ENTPD3: variants seen among roughly 807,000 people sequenced by gnomAD.
ENTPD3 encodes the protein ectonucleoside triphosphate diphosphohydrolase 3, also known as CD39 antigen-like 3.
A neutral mutation model predicts 51.2 loss-of-function variants in ENTPD3; 60 were observed. That is an observed-to-expected ratio of 1.17 (90% CI 0.95 to 1.45). The LOEUF (loss-of-function observed/expected upper bound fraction) is 1.45, where lower values mean the gene tolerates loss of function less well. Ranked by LOEUF, ENTPD3 falls within the 40% of genes most tolerant of loss-of-function variation. The pLI, the probability that ENTPD3 is intolerant of heterozygous loss-of-function variation, is 0.00. For missense variants in ENTPD3, 593 were observed against 641.1 expected, an observed-to-expected ratio of 0.93 and a Z score of 0.81; for synonymous variants, 221 against 238.4, an observed-to-expected ratio of 0.93 and a Z score of 0.67.
intron 3 of ENTPD3, among the ~76,000 whole-genome samples, chr3:40,393,770 T>G (rs1955121175): frequency 6.6e-6 from 1 of 152,146 alleles, no homozygotes; most frequent in Non-Finnish European, 1.5e-5. Flanking sequence ...GGCACTGCCT[T>G]CTACAAACTA....
chr3:40,412,330 T>C (rs1003360629), intron 5 of ENTPD3, among the ~76,000 whole-genome samples: 5 of 152,176 alleles, frequency 3.3e-5, no homozygotes, highest in Non-Finnish European at 7.3e-5. Flanking sequence ...GTACAACCCA[T>C]AGCTATGTAG....
intron 3 of ENTPD3, among the ~76,000 whole-genome samples, chr3:40,395,855 G>A (rs1161011869): frequency 6.6e-6 from 1 of 152,206 alleles, no homozygotes; most frequent in African/African-American, 2.4e-5. Context: ...AGAATTGTCA[G>A]TGACTACTCC....
At chr3:40,399,935 T>C (rs1055694350) in intron 3 of ENTPD3, among the ~76,000 whole-genome samples, 4 of 152,182 alleles carry the variant, frequency 2.6e-5, no homozygotes, top group African/African-American at 9.7e-5. Flanking sequence ...TTCTCCTTAA[T>C]TATGAATACT....
chr3:40,410,958 G>A (rs1955613731), intron 4 of ENTPD3, among the ~76,000 whole-genome samples: 1 of 152,046 alleles, frequency 6.6e-6, no homozygotes, highest in Non-Finnish European at 1.5e-5. Flanking sequence ...GAATATGGAG[G>A]CAATGGGAAC....
intron 10 of ENTPD3, among the ~76,000 whole-genome samples, chr3:40,425,317 G>C (rs938706781): frequency 2.6e-5 from 4 of 152,118 alleles, no homozygotes; most frequent in African/African-American, 9.7e-5. Flanking sequence ...CTCAGAGGCT[G>C]AGGCAGGAGA....
chr3:40,417,552 C>T (rs9833430), intron 7 of ENTPD3, among the ~76,000 whole-genome samples: 39,359 of 151,970 alleles, frequency 0.26, 5,948 homozygotes, highest in East Asian at 0.48. Context: ...GGCCCCTCCT[C>T]CAACACTGGG....
At chr3:40,397,926 A>G (rs536158208) in intron 3 of ENTPD3, among the ~76,000 whole-genome samples, 4 of 152,298 alleles carry the variant, frequency 2.6e-5, no homozygotes, top group East Asian at 1.9e-4. Flanking sequence ...TTATCCGAAC[A>G]TCACCTTGCC....
chr3:40,408,394 A>C (rs1955552748), intron 4 of ENTPD3, among the ~76,000 whole-genome samples: 1 of 152,244 alleles, frequency 6.6e-6, no homozygotes, highest in Non-Finnish European at 1.5e-5. Context: ...TAATTCCTAG[A>C]GATGGAAAAA....
Position 40,392,090 on chromosome 3 carries a change from A to G in ENTPD3, c.108A>G (p.Val36=). The G allele has an allele frequency of 6.2e-7, 1 of 1,614,172 alleles. No individual in the cohort carries two copies. The highest frequency in any genetic ancestry group is 8.5e-7 in the Non-Finnish European group (1 of 1,179,984). Residue 36 remains valine (V), a synonymous_variant, in exon 3 of 11, where the codon GTA becomes GTG. Transcript: ENST00000301825. ...ALVVLLVSIV[V]LVSITVIQIH... ...TGGTCTTGCTTGTGAGTATTGTGGT[A>G]CTTGTGAGTATCACTGTCATCCAGA...
At chr3:40,410,627 C>T (rs1474257461) in intron 4 of ENTPD3, among the ~76,000 whole-genome samples, 1 of 151,980 alleles carries the variant, frequency 6.6e-6, no homozygotes, top group Non-Finnish European at 1.5e-5. Context: ...TCTGATCAAG[C>T]CTCTACATTC....
At chr3:40,416,220 T>C (rs1955745047) in intron 7 of ENTPD3, 147 bp downstream of exon 7, 5 of 620,256 alleles carry the variant, frequency 8.1e-6, no homozygotes, top group African/African-American at 3.7e-5. Context: ...CTCCTGGGGG[T>C]CCAAGTCCCT....
chr3:40,400,978 G>A lies in ENTPD3; in HGVS notation c.253G>A (p.Val85Met). The change falls in exon 4 of 11, where the codon GTG becomes ATG. Residue 85 changes from valine (V) to methionine (M), a missense_variant. Physicochemically the swap from Val to Met is conservative, Grantham distance 21. Coordinates refer to ENST00000301825, the MANE Select transcript of ENTPD3 (RefSeq NM_001248.4). Reference protein sequence around the residue: ...WPAEKENNTGVVSQTFKCSVK... With the variant: ...WPAEKENNTGMVSQTFKCSVK... ...AGCAGAAAAAGAGAATAATACCGGA[G>A]TGGTCAGTCAAACCTTCAAATGTAG... The A allele has an allele frequency of 6.2e-7, 1 of 1,614,062 alleles. No homozygotes were observed. The highest frequency in any genetic ancestry group is 1.1e-5 in the South Asian group (1 of 91,070).
Position 40,392,979 on chromosome 3 carries a change from AC to A in ENTPD3, c.168+836del, listed in dbSNP as rs1172445181. ...TCCTTCCAACACTTCCCTCAACAAC[AC>A]CCCCCCGGCAAAAAAAAAAAAAAAA... On this transcript the variant is annotated intron_variant, in intron 3 of 10. Coordinates refer to ENST00000301825, the MANE Select transcript of ENTPD3 (RefSeq NM_001248.4). Among the ~76,000 whole-genome samples, 237 of 96,870 alleles carry A rather than the reference AC, an allele frequency of 2.4e-3. 1 individual carries two copies. The highest frequency in any genetic ancestry group is 8.9e-3 in the African/African-American group (227 of 25,462). 63.6% of individuals were successfully genotyped at this position (96,870 alleles called of 152,430 possible).
At chr3:40,395,118 TG>T (rs1955166202) in intron 3 of ENTPD3, among the ~76,000 whole-genome samples, 1 of 152,176 alleles carries the variant, frequency 6.6e-6, no homozygotes, top group Non-Finnish European at 1.5e-5. Context: ...CACAGGTGCA[TG>T]GGCTCTTTAT....
chr3:40,393,094 T>C (rs944051737), intron 3 of ENTPD3, among the ~76,000 whole-genome samples: 2 of 151,998 alleles, frequency 1.3e-5, no homozygotes, highest in African/African-American at 4.8e-5. Context: ...AGAATCATAA[T>C]ATATCCCCAG....
In ENTPD3 at chr3:40,427,755, C is replaced by G; in HGVS notation, c.*247C>G. 1 of 534,112 alleles carries G rather than the reference C, an allele frequency of 1.9e-6. No homozygotes were observed. The highest frequency in any genetic ancestry group is 3.2e-5 in the East Asian group (1 of 31,304). 33.1% of individuals were successfully genotyped at this position (534,112 alleles called of 1,614,324 possible). On this transcript the variant is annotated 3_prime_UTR_variant, in exon 11 of 11. Coordinates refer to ENST00000301825, the MANE Select transcript of ENTPD3 (RefSeq NM_001248.4). ...GATCTATTGGGGAACAGAGAAGAGACAGGCCACGAAGGTCAGGCTCTTTAT... is the reference window on the plus strand; with the variant it reads ...GATCTATTGGGGAACAGAGAAGAGAGAGGCCACGAAGGTCAGGCTCTTTAT...
In ENTPD3 at chr3:40,388,885, A is replaced by C. The variant is rs1954999315; in HGVS notation, c.40+788A>C. Reference sequence around the variant, plus strand: ...AGCTTTTTACTTGAAAACTGCTGAAACACAGAAGACTTAGGAGGCCAGCCA... The same window carrying C: ...AGCTTTTTACTTGAAAACTGCTGAACCACAGAAGACTTAGGAGGCCAGCCA... On this transcript the variant is annotated intron_variant, in intron 2 of 10. Transcript: ENST00000301825. 2.6e-5 allele frequency among the ~76,000 whole-genome samples: 4 copies of C among 152,292 alleles called. No homozygotes were observed. The South Asian group carries it at 6.2e-4, about 24-fold the overall frequency.
At chr3:40,412,033 A>T (rs1955645577) in intron 5 of ENTPD3, 71 bp downstream of exon 5, 9 of 1,391,232 alleles carry the variant, frequency 6.5e-6, no homozygotes, top group Non-Finnish European at 8.6e-6. Context: ...CTTGCCAAGA[A>T]TGTAACTCTA....
At chr3:40,422,000 T>C (rs1473257489) in intron 7 of ENTPD3, among the ~76,000 whole-genome samples, 1 of 152,158 alleles carries the variant, frequency 6.6e-6, no homozygotes, top group East Asian at 1.9e-4. Flanking sequence ...GATATTCTAC[T>C]TAAAATGATA....
Sources: allele counts gnomAD v4.1 joint callset (sites outside exome capture counted in the v4.1 genomes callset), GRCh38; gene constraint gnomAD v4.1.1; transcripts MANE v1.5; gene names NCBI Gene and HGNC (gene_info 2026-07-23, HGNC 2026-07-21).